Variants in LRRTM4 observed in about 807,000 individuals in gnomAD.
LRRTM4 encodes the protein leucine rich repeat transmembrane neuronal 4, also known as leucine-rich repeat transmembrane neuronal protein 4.
In LRRTM4, 25 loss-of-function variants were observed where a neutral mutation model predicts 47.6. That is an observed-to-expected ratio of 0.53 (90% CI 0.38 to 0.73). The LOEUF (loss-of-function observed/expected upper bound fraction) is 0.73, where lower values mean the gene tolerates loss of function less well. Ranked by LOEUF, LRRTM4 falls within the 30% of genes least tolerant of loss-of-function variation. LRRTM4 has a pLI of 0.00. For synonymous variants in LRRTM4, 311 were observed against 269.5 expected, an observed-to-expected ratio of 1.15 and a Z score of -1.51; for missense variants, 638 against 713.4, an observed-to-expected ratio of 0.89 and a Z score of 1.20.
chr2:77,496,595 T>C (rs775512443), intron 3 of LRRTM4, among the ~76,000 whole-genome samples: 25 of 151,972 alleles, frequency 1.6e-4, no homozygotes, highest in South Asian at 4.1e-4. Flanking sequence ...ATGTTAATTA[T>C]ATAATGAGTT....
rs995010907 is a variant in LRRTM4, at chr2:77,121,149, C to T, written c.1552-372233G>A. 4.6e-5 allele frequency among the ~76,000 whole-genome samples: 7 copies of T among 151,758 alleles called. No homozygotes were observed. The East Asian group carries it at 7.7e-4, about 17-fold the overall frequency. The stretch of plus-strand genomic sequence containing the variant: ...GGGGGAATAGGGAGAAAAACAAATG[C>T]GAAAGGCAAATTAGGAATGCAACAT... On this transcript the variant is annotated intron_variant, in intron 3 of 3. Transcript: ENST00000409884.
At chr2:77,460,455 A>G (rs568751609) in intron 3 of LRRTM4, among the ~76,000 whole-genome samples, 4 of 152,246 alleles carry the variant, frequency 2.6e-5, no homozygotes, top group Admixed American at 2.0e-4. Flanking sequence ...GAGGATGACA[A>G]TGAATATCTT....
At chr2:77,113,105 A>G (rs1471174811) in intron 3 of LRRTM4, among the ~76,000 whole-genome samples, 1 of 152,144 alleles carries the variant, frequency 6.6e-6, no homozygotes, top group Non-Finnish European at 1.5e-5. Context: ...CCGTGGTAAC[A>G]GCATCAAAGC....
At chr2:77,068,842 G>T (rs577921351) in intron 3 of LRRTM4, among the ~76,000 whole-genome samples, 3 of 152,322 alleles carry the variant, frequency 2.0e-5, no homozygotes, top group South Asian at 4.1e-4. Context: ...GCCTACGCTG[G>T]AAGGTTGTGG....
chr2:76,940,809 C>A (rs1217673846), intron 3 of LRRTM4, among the ~76,000 whole-genome samples: 3 of 152,062 alleles, frequency 2.0e-5, no homozygotes, highest in Non-Finnish European at 4.4e-5. Flanking sequence ...CCTTCTTAAG[C>A]CCAGAATTTA....
At chr2:76,933,170 G>A (rs1164401865) in intron 3 of LRRTM4, among the ~76,000 whole-genome samples, 1 of 152,028 alleles carries the variant, frequency 6.6e-6, no homozygotes, top group Non-Finnish European at 1.5e-5. Context: ...TATGTGAAAT[G>A]CCATCAATTC....
intron 3 of LRRTM4, among the ~76,000 whole-genome samples, chr2:77,235,045 C>T (rs113413379): frequency 6.6e-5 from 10 of 152,220 alleles, no homozygotes; most frequent in Non-Finnish European, 1.5e-4. Context: ...ATCCATATTG[C>T]TGCAAAGGAT....
At chr2:77,350,078 T>A (rs1453735333) in intron 3 of LRRTM4, among the ~76,000 whole-genome samples, 2 of 150,080 alleles carry the variant, frequency 1.3e-5, no homozygotes, top group Admixed American at 1.3e-4. Flanking sequence ...ATCCCAGCAC[T>A]TTGGGAGGCC....
At chr2:77,387,634 G>A (rs1217108321) in intron 3 of LRRTM4, among the ~76,000 whole-genome samples, 2 of 152,114 alleles carry the variant, frequency 1.3e-5, no homozygotes, top group African/African-American at 4.8e-5. Flanking sequence ...GACCCTTCAT[G>A]TGTCTTCTGC....
intron 3 of LRRTM4, among the ~76,000 whole-genome samples, chr2:77,126,721 C>T (rs1432218949): frequency 6.6e-6 from 1 of 151,932 alleles, no homozygotes; most frequent in Admixed American, 6.6e-5. Context: ...TAATGGAGTC[C>T]TAGGGGGTTG....
At chr2:77,495,963 A>T (rs1363175803) in intron 3 of LRRTM4, among the ~76,000 whole-genome samples, 1 of 152,006 alleles carries the variant, frequency 6.6e-6, no homozygotes, top group Non-Finnish European at 1.5e-5. Flanking sequence ...TCTATAAATC[A>T]GTCTGGAGAT....
At chr2:77,043,309 A>C (rs948307577) in intron 3 of LRRTM4, among the ~76,000 whole-genome samples, 1 of 151,866 alleles carries the variant, frequency 6.6e-6, no homozygotes, top group Non-Finnish European at 1.5e-5. Flanking sequence ...CAGCGTGCTT[A>C]AATTTTCTCC....
rs145810312 is a variant in LRRTM4, at chr2:76,870,310, G to A, written c.1552-121394C>T. ...GTCTTTTTGTAAAGGGTTGTGTGCT[G>A]TATATAATAAATACTACAACCCTCC... On this transcript the variant is annotated intron_variant, in intron 3 of 3. Coordinates refer to ENST00000409884, the MANE Select transcript of LRRTM4 (RefSeq NM_001134745.3). Among the ~76,000 whole-genome samples, 123 of 152,190 alleles carry A rather than the reference G, an allele frequency of 8.1e-4. 2 individuals are homozygous for A. In the East Asian group the frequency reaches 0.018, roughly 23 times the overall value.
chr2:76,878,457 G>A (rs946415006), intron 3 of LRRTM4, among the ~76,000 whole-genome samples: 1 of 151,734 alleles, frequency 6.6e-6, no homozygotes, highest in Admixed American at 6.6e-5. Flanking sequence ...TTAAAAGCAA[G>A]GACAGTCCAA....
At chr2:77,073,356 TTAGTG>T (rs1020678713) in intron 3 of LRRTM4, among the ~76,000 whole-genome samples, 8 of 152,136 alleles carry the variant, frequency 5.3e-5, no homozygotes, top group African/African-American at 1.9e-4. Flanking sequence ...TTCTTCTTAC[TTAGTG>T]TAAAATTTTG....
At position 77,141,424 on chromosome 2, in the gene LRRTM4, G is replaced by A. The variant is rs575049895; in HGVS notation, c.1551+376894C>T. Among the ~76,000 whole-genome samples the A allele has an allele frequency of 5.0e-5, 7 of 139,878 alleles. No homozygotes were observed. In the East Asian group the frequency reaches 1.6e-3, roughly 32 times the overall value. The allele number at this position is 139,878 out of a possible 152,430, so 91.8% of individuals were successfully genotyped here. A position where few individuals can be genotyped will look rare whatever the true frequency, so the allele number is the denominator to read the frequency against. ...CTCACAGGTGGGAATTGAACAATGA[G>A]AACACTTGGACACAGGAGGGGGAAC... On this transcript the variant is annotated intron_variant, in intron 3 of 3. Coordinates refer to ENST00000409884, the MANE Select transcript of LRRTM4 (RefSeq NM_001134745.3).
intron 3 of LRRTM4, among the ~76,000 whole-genome samples, chr2:77,129,439 C>A (rs1224011846): frequency 6.6e-6 from 1 of 152,112 alleles, no homozygotes; most frequent in Non-Finnish European, 1.5e-5. Flanking sequence ...TAGAGTATGT[C>A]TTGCTGTATG....
At chr2:76,801,367 A>T (rs1192613604) in intron 3 of LRRTM4, among the ~76,000 whole-genome samples, 1 of 152,122 alleles carries the variant, frequency 6.6e-6, no homozygotes, top group Non-Finnish European at 1.5e-5. Flanking sequence ...CTTTGTAGGG[A>T]CATGGATGAA....
intron 3 of LRRTM4, among the ~76,000 whole-genome samples, chr2:76,994,421 C>A (rs558436227): frequency 1.3e-5 from 2 of 151,918 alleles, no homozygotes; most frequent in Non-Finnish European, 2.9e-5. Context: ...GGGCCCTTTG[C>A]ATTTCCTTAG....
Sources: allele counts gnomAD v4.1 joint callset (sites outside exome capture counted in the v4.1 genomes callset), GRCh38; gene constraint gnomAD v4.1.1; transcripts MANE v1.5; gene names NCBI Gene and HGNC (gene_info 2026-07-23, HGNC 2026-07-21).